Variants in GALNT13 observed in about 807,000 individuals in gnomAD.
GALNT13 encodes the protein polypeptide N-acetylgalactosaminyltransferase 13.
GALNT13 carries 28 observed loss-of-function variants against 64.2 expected under a neutral mutation model. The ratio of observed to expected loss-of-function variants is 0.44; its 90% CI spans 0.32 to 0.60. The LOEUF (loss-of-function observed/expected upper bound fraction) is 0.60, where lower values mean the gene tolerates loss of function less well. Ranked by LOEUF, GALNT13 falls within the 20% of genes least tolerant of loss-of-function variation. The pLI, the probability that GALNT13 is intolerant of heterozygous loss-of-function variation, is 0.05. For missense variants in GALNT13, 577 were observed against 669.8 expected (o/e 0.86, Z 1.53); for synonymous variants, 214 against 224.6 (o/e 0.95, Z 0.42).
chr2:154,438,847 A>G (rs910318501), intron 12 of GALNT13, 121 bp downstream of exon 12: 6 of 757,346 alleles, frequency 7.9e-6, no homozygotes, highest in Non-Finnish European at 1.3e-5. Flanking sequence ...ATTTTCAAGC[A>G]TGCAGGCTCA....
At chr2:153,830,879 C>G in the GALNT13 span, among the ~76,000 whole-genome samples, 1 of 152,088 alleles carries the variant, frequency 6.6e-6, no homozygotes, top group South Asian at 2.1e-4. Context: ...TTTCCTCATG[C>G]TGAATCCAGT....
At chr2:154,286,097 G>A (rs574573592) in intron 8 of GALNT13, among the ~76,000 whole-genome samples, 2 of 152,096 alleles carry the variant, frequency 1.3e-5, no homozygotes, top group East Asian at 3.9e-4. Flanking sequence ...GAGCTTTTAG[G>A]GTTTTCTGCA....
rs117491694 is a variant in GALNT13 at position 153,933,268 on chromosome 2, G to T, written c.-104-11126G>T. ...TGTGGTTATCTAAGTCTCTTTGTAG[G>T]TTCCTAAAAAGAGAATTTCTGTGCC... On this transcript the variant is annotated intron_variant, in intron 2 of 12. Coordinates refer to ENST00000392825, the MANE Select transcript of GALNT13 (RefSeq NM_052917.4). Among the ~76,000 whole-genome samples, 694 of 152,172 alleles carry T rather than the reference G, an allele frequency of 4.6e-3. 11 individuals carry two copies. Among genetic ancestry groups the T allele is most frequent in the East Asian group, 0.017 (87 of 5,168 alleles).
the GALNT13 span, among the ~76,000 whole-genome samples, chr2:153,346,907 T>A: frequency 6.6e-6 from 1 of 152,218 alleles, no homozygotes; most frequent in Non-Finnish European, 1.5e-5. Flanking sequence ...AAATATTTCA[T>A]AATTTGTATA....
the GALNT13 span, among the ~76,000 whole-genome samples, chr2:153,323,708 G>A: frequency 6.6e-6 from 1 of 152,084 alleles, no homozygotes; most frequent in Non-Finnish European, 1.5e-5. Flanking sequence ...TCTGCATATG[G>A]CTAGGCAGTT....
At chr2:153,750,402 A>G in the GALNT13 span, among the ~76,000 whole-genome samples, 2 of 151,872 alleles carry the variant, frequency 1.3e-5, no homozygotes, top group African/African-American at 4.8e-5. Flanking sequence ...TAGGATTTGT[A>G]TTAGTTTTTC....
At chr2:153,188,515 C>A in the GALNT13 span, among the ~76,000 whole-genome samples, 1 of 152,072 alleles carries the variant, frequency 6.6e-6, no homozygotes, top group Non-Finnish European at 1.5e-5. Flanking sequence ...GCATTCTCTC[C>A]ATGGAAGAAA....
chr2:153,578,187 CT>C, the GALNT13 span, among the ~76,000 whole-genome samples: 1 of 152,040 alleles, frequency 6.6e-6, no homozygotes, highest in Non-Finnish European at 1.5e-5. Flanking sequence ...TTAGGGTAAA[CT>C]TCAAGGTGAA....
At chr2:154,001,468 A>G (rs1286082351) in intron 3 of GALNT13, among the ~76,000 whole-genome samples, 1 of 151,888 alleles carries the variant, frequency 6.6e-6, no homozygotes, top group Admixed American at 6.6e-5. Flanking sequence ...TGAAGCTTAC[A>G]AAAAAATTAT....
chr2:153,649,015 G>A, the GALNT13 span, among the ~76,000 whole-genome samples: 1 of 152,262 alleles, frequency 6.6e-6, no homozygotes, highest in African/African-American at 2.4e-5. Context: ...TTTTTCTGTT[G>A]ATTGGAATAG....
the GALNT13 span, among the ~76,000 whole-genome samples, chr2:153,365,235 ATTAAC>A: frequency 8.5e-3 from 1,300 of 152,336 alleles, 22 homozygotes; most frequent in African/African-American, 0.029. Flanking sequence ...TTGTACAAAA[ATTAAC>A]TTAAGGTATA....
At chr2:153,468,136 C>T in the GALNT13 span, among the ~76,000 whole-genome samples, 1 of 151,902 alleles carries the variant, frequency 6.6e-6, no homozygotes, top group African/African-American at 2.4e-5. Flanking sequence ...TCACTGCACT[C>T]TTTCAGCGTC....
chr2:153,147,712 G>A, the GALNT13 span, among the ~76,000 whole-genome samples: 1 of 151,714 alleles, frequency 6.6e-6, no homozygotes, highest in Non-Finnish European at 1.5e-5. Context: ...TGGATTTATA[G>A]GGAAATTTGG....
At chr2:154,371,999 T>C (rs7566094) in intron 9 of GALNT13, among the ~76,000 whole-genome samples, 93,082 of 151,760 alleles carry the variant, frequency 0.61, 29,150 homozygotes, top group Admixed American at 0.67. Context: ...TGAAAATTCA[T>C]TGCCTAAACT....
chr2:154,069,308 A>C (rs1326184520), intron 3 of GALNT13, among the ~76,000 whole-genome samples: 2 of 151,994 alleles, frequency 1.3e-5, no homozygotes, highest in African/African-American at 4.8e-5. Flanking sequence ...TCAACCATAG[A>C]TACAAAGTCA....
At chr2:153,923,402 C>G (rs1326399961) in intron 2 of GALNT13, among the ~76,000 whole-genome samples, 1 of 152,104 alleles carries the variant, frequency 6.6e-6, no homozygotes, top group Non-Finnish European at 1.5e-5. Context: ...TATACTACTA[C>G]TTTATTAGTT....
At chr2:153,373,605 C>T in the GALNT13 span, among the ~76,000 whole-genome samples, 1 of 152,144 alleles carries the variant, frequency 6.6e-6, no homozygotes, top group African/African-American at 2.4e-5. Flanking sequence ...ACTACTTCAC[C>T]CACTTTTCAG....
At chr2:153,911,357 T>C (rs1387120287) in intron 2 of GALNT13, among the ~76,000 whole-genome samples, 1 of 152,192 alleles carries the variant, frequency 6.6e-6, no homozygotes, top group Non-Finnish European at 1.5e-5. Context: ...CTTGCTTCTT[T>C]ATTCACCTTG....
At chr2:153,417,751 T>C in the GALNT13 span, among the ~76,000 whole-genome samples, 5 of 152,236 alleles carry the variant, frequency 3.3e-5, no homozygotes, top group South Asian at 1.0e-3. Context: ...GAGATGTCCA[T>C]TGGATATACG....
Sources: allele counts gnomAD v4.1 joint callset (sites outside exome capture counted in the v4.1 genomes callset), GRCh38; gene constraint gnomAD v4.1.1; transcripts MANE v1.5; gene names NCBI Gene and HGNC (gene_info 2026-07-23, HGNC 2026-07-21).